KCNJ12: variants seen among roughly 807,000 people sequenced by gnomAD.
KCNJ12 encodes potassium inwardly rectifying channel subfamily J member 12, also known as ATP-sensitive inward rectifier potassium channel 12.
KCNJ12 carries 2 observed loss-of-function variants against 22.3 expected under a neutral mutation model. The ratio of observed to expected loss-of-function variants is 0.09; its 90% CI spans 0.04 to 0.28. The LOEUF is 0.28. Ranked by LOEUF, KCNJ12 falls within the 10% of genes least tolerant of loss-of-function variation. The pLI, the probability that KCNJ12 is intolerant of heterozygous loss-of-function variation, is 1.00. For missense variants in KCNJ12, 155 were observed against 633.3 expected, an observed-to-expected ratio of 0.24 and a Z score of 8.11; for synonymous variants, 117 against 261.4, an observed-to-expected ratio of 0.45 and a Z score of 5.33.
chr17:21,400,120 G>A (rs773009100), intron 1 of KCNJ12, among the ~76,000 whole-genome samples: 10 of 152,226 alleles, frequency 6.6e-5, no homozygotes, highest in Non-Finnish European at 1.2e-4. Flanking sequence ...TAGAGGGAGT[G>A]CAGGAAAAAG....
intron 1 of KCNJ12, among the ~76,000 whole-genome samples, chr17:21,396,634 G>A (rs782303720): frequency 2.6e-5 from 4 of 152,170 alleles, no homozygotes; most frequent in Admixed American, 6.5e-5. Context: ...GGGGAGGGCC[G>A]TCTTGGTTGG....
intron 1 of KCNJ12, among the ~76,000 whole-genome samples, chr17:21,399,197 T>A (rs1308914985): frequency 6.6e-6 from 1 of 152,200 alleles, no homozygotes; most frequent in East Asian, 1.9e-4. Flanking sequence ...CCCCAGCGAC[T>A]GTGTGCATGC....
chr17:21,404,205 C>T (rs1419376245), intron 1 of KCNJ12, among the ~76,000 whole-genome samples: 1 of 152,266 alleles, frequency 6.6e-6, no homozygotes, highest in Non-Finnish European at 1.5e-5. Flanking sequence ...GTGGGTCTTG[C>T]CCAAGGCCTA....
intron 1 of KCNJ12, among the ~76,000 whole-genome samples, chr17:21,388,824 C>T (rs1270701438): frequency 2.0e-5 from 3 of 152,198 alleles, no homozygotes; most frequent in Non-Finnish European, 4.4e-5. Flanking sequence ...ATTTGAACCC[C>T]AATCGGGAAG....
chr17:21,410,558 C>G (rs113943694), intron 2 of KCNJ12, among the ~76,000 whole-genome samples: 6,639 of 120,182 alleles, frequency 0.055, no homozygotes, highest in Non-Finnish European at 0.072. Flanking sequence ...TGCCCCATCT[C>G]CGAATGAGGG....
At chr17:21,380,703 G>A (rs545314286) in intron 1 of KCNJ12, among the ~76,000 whole-genome samples, 23 of 152,296 alleles carry the variant, frequency 1.5e-4, no homozygotes, top group Admixed American at 5.2e-4. Flanking sequence ...CAGAGCCTGG[G>A]GAACTCGTCA....
At chr17:21,402,446 G>A (rs1251640055) in intron 1 of KCNJ12, among the ~76,000 whole-genome samples, 7 of 152,306 alleles carry the variant, frequency 4.6e-5, no homozygotes, top group Non-Finnish European at 1.0e-4. Context: ...GAGCGTGTGA[G>A]TCAATGCTGA....
chr17:21,407,393 A>G (rs1906015149), intron 1 of KCNJ12, among the ~76,000 whole-genome samples: 8 of 149,630 alleles, frequency 5.3e-5, no homozygotes. Context: ...CCCATCACCC[A>G]TTCATCCATT....
chr17:21,413,739 C>T lies in KCNJ12; in HGVS notation c.-56-1548C>T, dbSNP rs1237230485. ...ACAGCCTGTGTGTCCCGGGGGTGGG[C>T]ACGTCAGTGGCTGAGAGCAGGCTTT... On this transcript the variant is annotated intron_variant, in intron 2 of 2. Transcript: ENST00000583088. Among the ~76,000 whole-genome samples, 3 of 152,416 alleles carry T rather than the reference C, an allele frequency of 2.0e-5. No individual in the cohort carries two copies. In the East Asian group the frequency reaches 5.8e-4, roughly 29 times the overall value.
chr17:21,400,439 C>T (rs369413224), intron 1 of KCNJ12, among the ~76,000 whole-genome samples: 208 of 151,900 alleles, frequency 1.4e-3, no homozygotes, highest in African/African-American at 4.9e-3. Flanking sequence ...TGTGTTTCTC[C>T]GGTTTCTCCT....
chr17:21,409,540 T>C (rs1906197696), intron 2 of KCNJ12, among the ~76,000 whole-genome samples: 1 of 152,312 alleles, frequency 6.6e-6, no homozygotes, highest in African/African-American at 2.4e-5. Context: ...TGGAGCCGAC[T>C]CCCGCTGGGG....
intron 2 of KCNJ12, among the ~76,000 whole-genome samples, chr17:21,414,979 G>A (rs565632168): frequency 2.0e-4 from 30 of 152,402 alleles, no homozygotes; most frequent in African/African-American, 6.7e-4. Flanking sequence ...AACTGGCTGG[G>A]CAGGCACTGT....
At position 21,415,525 on chromosome 17, in the gene KCNJ12, C is replaced by T. The variant is rs61514986; in HGVS notation, c.183C>T (p.Asp61=). Residue 61 remains aspartate (D), a synonymous_variant, in exon 3 of 3, where the codon GAC becomes GAT. Coordinates refer to ENST00000583088, the MANE Select transcript of KCNJ12 (RefSeq NM_021012.5). ...GCAACATTGAGTTCGCCAACATGGA[C>T]GAGAAGTCACAGCGCTACCTGGCTG... The part of the protein sequence containing the change: ...GQCNIEFANM[D]EKSQRYLADM... The T allele has an allele frequency of 0.014, 22,116 of 1,611,384 alleles. No individual in the cohort carries two copies. The highest frequency in any genetic ancestry group is 0.045 in the Middle Eastern group (274 of 6,026).
chr17:21,400,259 C>T (rs75584412), intron 1 of KCNJ12, among the ~76,000 whole-genome samples: 3 of 152,266 alleles, frequency 2.0e-5, no homozygotes, highest in Non-Finnish European at 4.4e-5. Flanking sequence ...CCTGCCCCAC[C>T]CTGTCCCCTT....
chr17:21,385,285 A>T (rs1555558517), intron 1 of KCNJ12, among the ~76,000 whole-genome samples: 1 of 152,190 alleles, frequency 6.6e-6, no homozygotes, highest in African/African-American at 2.4e-5. Context: ...TGGGGATCAG[A>T]TATACCTGGT....
At chr17:21,379,728 G>C (rs1345383950) in intron 1 of KCNJ12, among the ~76,000 whole-genome samples, 1 of 151,624 alleles carries the variant, frequency 6.6e-6, no homozygotes. Flanking sequence ...AGATGAAAGA[G>C]AGCTGGCCTG....
At chr17:21,400,192 G>C in intron 1 of KCNJ12, among the ~76,000 whole-genome samples, 1 of 152,178 alleles carries the variant, frequency 6.6e-6, no homozygotes, top group African/African-American at 2.4e-5. Context: ...CACCTGGGTG[G>C]GCTGCACATG....
intron 1 of KCNJ12, among the ~76,000 whole-genome samples, chr17:21,406,836 C>G (rs1334164773): frequency 6.6e-6 from 1 of 152,306 alleles, no homozygotes; most frequent in Non-Finnish European, 1.5e-5. Context: ...CCCATGAACT[C>G]CCTGGCTGGG....
Position 21,400,536 on chromosome 17 carries a change from G to A in KCNJ12, c.-178-7983G>A, listed in dbSNP as rs1336072232. 1.4e-4 allele frequency among the ~76,000 whole-genome samples: 21 copies of A among 152,410 alleles called. No individual in the cohort carries two copies. The East Asian group carries it at 1.9e-3, about 14-fold the overall frequency. ...CTACACCCCGCACAGAGCCTCAAAC[G>A]GGTTTGGTGCTCAGGAAAGACTTGT... On this transcript the variant is annotated intron_variant, in intron 1 of 2. Transcript: ENST00000583088.
Sources: gnomAD v4.1 joint callset for allele counts (sites outside exome capture counted in the v4.1 genomes callset) on GRCh38, gnomAD v4.1.1 for gene constraint, MANE v1.5 for transcripts, NCBI Gene and HGNC (gene_info 2026-07-23, HGNC 2026-07-21) for gene names.